The following BRIP1 variants were observed in gnomAD, a reference collection of about 807,000 sequenced individuals.
BRIP1 encodes BRCA1 interacting DNA helicase 1.
Under a neutral mutation model 119.7 loss-of-function variants are expected in BRIP1, and 88 were observed. The ratio of observed to expected loss-of-function variants is 0.74; its 90% CI spans 0.62 to 0.88. The LOEUF (loss-of-function observed/expected upper bound fraction) is 0.88. Among genes scored for constraint, BRIP1 ranks in the 40% least tolerant of loss-of-function variants. The pLI is 0.00. For missense variants in BRIP1, 1,259 were observed against 1,455.4 expected, an observed-to-expected ratio of 0.87 and a Z score of 2.20; for synonymous variants, 443 against 496.5, an observed-to-expected ratio of 0.89 and a Z score of 1.43.
chr17:61,819,135 G>A (rs933946163), intron 6 of BRIP1, among the ~76,000 whole-genome samples: 21 of 150,290 alleles, frequency 1.4e-4, no homozygotes, highest in African/African-American at 1.7e-4. Context: ...GCAGCGAGCC[G>A]AGATCATGCC....
intron 6 of BRIP1, among the ~76,000 whole-genome samples, chr17:61,813,709 T>C (rs2078197472): frequency 6.6e-6 from 1 of 152,084 alleles, no homozygotes; most frequent in Non-Finnish European, 1.5e-5. Context: ...AGCCTGTCCT[T>C]GTGCTAAACA....
In BRIP1 at chr17:61,860,186, C is replaced by T. The variant is rs1405462188; in HGVS notation, c.94-279G>A. ...CAATGATTTCTGTAAAACCAGAATA[C>T]ATTACTACCTATCAATATATTTGAT... On this transcript the variant is annotated intron_variant, in intron 2 of 19. Transcript: ENST00000259008. This position sits in a 1 kb window ranked among gnomAD's most constrained non-coding sequence, Gnocchi z 4.1. Among the ~76,000 whole-genome samples the T allele has an allele frequency of 6.6e-6, 1 of 152,204 alleles. No homozygotes were observed. Among genetic ancestry groups the T allele is most frequent in the Non-Finnish European group, 1.5e-5 (1 of 68,034 alleles).
At chr17:61,766,755 C>T in intron 14 of BRIP1, among the ~76,000 whole-genome samples, 1 of 151,992 alleles carries the variant, frequency 6.6e-6, no homozygotes, top group Non-Finnish European at 1.5e-5. Flanking sequence ...ATACATATTA[C>T]TCATAAAGAT....
chr17:61,786,710 C>T lies in BRIP1; in HGVS notation c.1474-2286G>A, dbSNP rs1292490712. Among the ~76,000 whole-genome samples the T allele has an allele frequency of 2.1e-5, 3 of 139,718 alleles. No individual in the cohort carries two copies. In the South Asian group the frequency reaches 6.4e-4, roughly 30 times the overall value. 91.7% of individuals were successfully genotyped at this position (139,718 alleles called of 152,430 possible). A position where few individuals can be genotyped will look rare whatever the true frequency, so the allele number is the denominator to read the frequency against. On this transcript the variant is annotated intron_variant, in intron 10 of 19. Coordinates refer to ENST00000259008, the MANE Select transcript of BRIP1 (RefSeq NM_032043.3). ...TATTGAGCTATAATTCACATGCTTA[C>T]AATTTACCTTTTTAAAGTGAGTTCT...
chr17:61,849,055 T>G lies in BRIP1; in HGVS notation c.507+74A>C. 6.5e-6 allele frequency: 10 copies of G among 1,535,602 alleles called. No homozygotes were observed. In the South Asian group the frequency reaches 1.1e-4, roughly 17 times the overall value. ...ACCCAACTAATCTCCACAAGTGCAT[T>G]AAAAACATGATACTTGACTACCATG... is the stretch of plus-strand genomic sequence containing the variant. On this transcript the variant is annotated intron_variant, in intron 5 of 19. Coordinates refer to ENST00000259008, the MANE Select transcript of BRIP1 (RefSeq NM_032043.3).
rs554017193 is a variant in BRIP1 at position 61,700,898 on chromosome 17, A to G, written c.2493-7386T>C. On this transcript the variant is annotated intron_variant, in intron 17 of 19. Transcript: ENST00000259008. The surrounding 1 kb of genome is among the most constrained non-coding windows in gnomAD (Gnocchi z 4.1). ...TCTCAATTGATGTTTAAGTAAATCA[A>G]TTCTTTCTTCTGCCTTCTTAAATCT... Among the ~76,000 whole-genome samples, 5 of 152,220 alleles carry G rather than the reference A, an allele frequency of 3.3e-5. No individual in the cohort carries two copies. Among genetic ancestry groups the G allele is most frequent in the Admixed American group, 6.5e-5 (1 of 15,282 alleles).
At position 61,690,521 on chromosome 17, in the gene BRIP1, T is replaced by C. The variant is rs1033701146; in HGVS notation, c.2575+2909A>G. 2.0e-5 allele frequency among the ~76,000 whole-genome samples: 3 copies of C among 152,142 alleles called. No individual in the cohort carries two copies. The highest frequency in any genetic ancestry group is 2.9e-5 in the Non-Finnish European group (2 of 68,020). On this transcript the variant is annotated intron_variant, in intron 18 of 19. Coordinates refer to ENST00000259008, the MANE Select transcript of BRIP1 (RefSeq NM_032043.3). This position sits in a 1 kb window ranked among gnomAD's most constrained non-coding sequence, Gnocchi z 5.6. ...ATAACTATGTTTCATGTAAGACCCA[T>C]GTAACCACAAAGGAAATATCTATAG...
rs1060501737 is a variant in BRIP1, at chr17:61,801,312, C to A, written c.1081G>T (p.Asp361Tyr). ...TAGGGACAAAATATGATGTCAGCATCTTGTATTAGTTCTCGGGCTGTGTAA... is the reference window on the plus strand; with the variant it reads ...TAGGGACAAAATATGATGTCAGCATATTGTATTAGTTCTCGGGCTGTGTAA... Reference protein sequence around the residue: ...PYYTARELIQDADIIFCPYNY... With the variant: ...PYYTARELIQYADIIFCPYNY... Residue 361 changes from aspartate to tyrosine, a missense_variant, in exon 8 of 20, where the codon GAT (aspartate) becomes TAT (tyrosine). Coordinates refer to ENST00000259008, the MANE Select transcript of BRIP1 (RefSeq NM_032043.3). The A allele has an allele frequency of 6.2e-7, 1 of 1,614,034 alleles. No homozygotes were observed. Among genetic ancestry groups the A allele is most frequent in the African/African-American group, 1.3e-5 (1 of 75,044 alleles).
chr17:61,777,160 T>C (rs2077547355), intron 13 of BRIP1, among the ~76,000 whole-genome samples: 1 of 152,232 alleles, frequency 6.6e-6, no homozygotes, highest in African/African-American at 2.4e-5. Flanking sequence ...TATAAAGATA[T>C]TCACAATATT....
rs2144096708 is a variant in BRIP1 at position 61,684,247 on chromosome 17, C to T, written c.2906-107G>A. On this transcript the variant is annotated intron_variant, in intron 19 of 19. Coordinates refer to ENST00000259008, the MANE Select transcript of BRIP1 (RefSeq NM_032043.3). The surrounding 1 kb of genome is among the most constrained non-coding windows in gnomAD (Gnocchi z 4.5). ...AATACCTAAATAACTGTATAGGATA[C>T]ATAACTTAGAGCCCCCAACGAATAC... is the stretch of plus-strand genomic sequence containing the variant. 1.6e-6 allele frequency: 2 copies of T among 1,275,942 alleles called. No homozygotes were observed. The highest frequency in any genetic ancestry group is 1.1e-6 in the Non-Finnish European group (1 of 929,868). 79.0% of individuals were successfully genotyped at this position (1,275,942 alleles called of 1,614,324 possible).
At position 61,700,017 on chromosome 17, in the gene BRIP1, CAT is replaced by C. The variant is rs1485685185; in HGVS notation, c.2493-6507_2493-6506del. The stretch of plus-strand genomic sequence containing the variant: ...GGCTCCCTAGACTTTGTCCCATGCA[CAT>C]GTTTTGTTCTCTTTGCTGACTGTGC... On this transcript the variant is annotated intron_variant, in intron 17 of 19. Transcript: ENST00000259008. The surrounding 1 kb of genome is among the most constrained non-coding windows in gnomAD (Gnocchi z 4.1). Among the ~76,000 whole-genome samples, 1 of 152,126 alleles carries C rather than the reference CAT, an allele frequency of 6.6e-6. No homozygotes were observed. Among genetic ancestry groups the C allele is most frequent in the Non-Finnish European group, 1.5e-5 (1 of 68,030 alleles).
In BRIP1 at chr17:61,805,810, C is replaced by T. The variant is rs1408417077; in HGVS notation, c.918+2657G>A. Among the ~76,000 whole-genome samples, 2 of 152,118 alleles carry T rather than the reference C, an allele frequency of 1.3e-5. No homozygotes were observed. The highest frequency in any genetic ancestry group is 2.9e-5 in the Non-Finnish European group (2 of 68,032). Reference sequence around the variant, plus strand: ...CATTCCAAGCTTCTTCCATACAATTCTGAAAGCTTACCTTTATACAAAATG... The same window carrying T: ...CATTCCAAGCTTCTTCCATACAATTTTGAAAGCTTACCTTTATACAAAATG... On this transcript the variant is annotated intron_variant, in intron 7 of 19. Transcript: ENST00000259008. This position sits in a 1 kb window ranked among gnomAD's most constrained non-coding sequence, Gnocchi z 5.6.
intron 8 of BRIP1, among the ~76,000 whole-genome samples, chr17:61,800,974 A>C (rs1197155541): frequency 3.9e-5 from 6 of 152,222 alleles, no homozygotes; most frequent in Non-Finnish European, 7.3e-5. Flanking sequence ...AAATGTTTCT[A>C]AATAATTCTT....
rs2078660498 is a variant in BRIP1, at chr17:61,841,732, C to CAGT, written c.627+5366_627+5368dup. Among the ~76,000 whole-genome samples, 2 of 152,132 alleles carry CAGT rather than the reference C, an allele frequency of 1.3e-5. No homozygotes were observed. Among genetic ancestry groups the CAGT allele is most frequent in the South Asian group, 2.1e-4 (1 of 4,830 alleles). On this transcript the variant is annotated intron_variant, in intron 6 of 19. Coordinates refer to ENST00000259008, the MANE Select transcript of BRIP1 (RefSeq NM_032043.3). This position sits in a 1 kb window ranked among gnomAD's most constrained non-coding sequence, Gnocchi z 4.1. ...TCCAAAGGAAAGAAAATCTAGAGTA[C>CAGT]AGTAGCATGATCATATCTCACCACA...
chr17:61,783,878 C>T lies in BRIP1; in HGVS notation c.1628+392G>A, dbSNP rs1189984503. On this transcript the variant is annotated intron_variant, in intron 11 of 19. Coordinates refer to ENST00000259008, the MANE Select transcript of BRIP1 (RefSeq NM_032043.3). Reference sequence around the variant, plus strand: ...TCACTTGAGGCCAGGAGTTCAAGACCATCCTGATCAACATAGTGAGATCTC... The same window carrying T: ...TCACTTGAGGCCAGGAGTTCAAGACTATCCTGATCAACATAGTGAGATCTC... 4 of 159,656 alleles carry T rather than the reference C, an allele frequency of 2.5e-5. No homozygotes were observed. In the East Asian group the frequency reaches 7.3e-4, roughly 29 times the overall value. 9.9% of individuals were successfully genotyped at this position (159,656 alleles called of 1,614,324 possible). A position where few individuals can be genotyped will look rare whatever the true frequency, so the allele number is the denominator to read the frequency against.
rs959212778 is a variant in BRIP1, at chr17:61,686,125, T to C, written c.2616A>G (p.Ser872=). 1 of 1,614,082 alleles carries C rather than the reference T, an allele frequency of 6.2e-7. No individual in the cohort carries two copies. Among genetic ancestry groups the C allele is most frequent in the Non-Finnish European group, 8.5e-7 (1 of 1,179,952 alleles). The change falls in exon 19 of 20, where the codon TCA becomes TCG. Residue 872 remains serine (S), a synonymous_variant. Transcript: ENST00000259008. This position sits in a 1 kb window ranked among gnomAD's most constrained non-coding sequence, Gnocchi z 5.4. ...AGGATTCCAGTGCACTTTCAAAGGT[T>C]GAATGGTGCTGAATCTGCTGCCGTA... ...KWVRQQIQHH[S]TFESALESLA...
chr17:61,750,796 C>A (rs1311290870), intron 14 of BRIP1, among the ~76,000 whole-genome samples: 4 of 151,874 alleles, frequency 2.6e-5, no homozygotes, highest in African/African-American at 9.7e-5. Flanking sequence ...ACAATGAAGT[C>A]CCACTTCACT....
rs2077238473 is a variant in BRIP1, at chr17:61,759,025, A to AATAC, written c.2098-14435_2098-14434insGTAT. Reference sequence around the variant, plus strand: ...CCTGTCATAAATAAATAAATAAATAAATAAATAAATAAATAAATGGCAGTA... The same window carrying AATAC: ...CCTGTCATAAATAAATAAATAAATAAATACATAAATAAATAAATAAATGGCAGTA... On this transcript the variant is annotated intron_variant, in intron 14 of 19. Coordinates refer to ENST00000259008, the MANE Select transcript of BRIP1 (RefSeq NM_032043.3). This position sits in a 1 kb window ranked among gnomAD's most constrained non-coding sequence, Gnocchi z 4.9. 6.6e-6 allele frequency among the ~76,000 whole-genome samples: 1 copy of AATAC among 150,856 alleles called. No homozygotes were observed. Among genetic ancestry groups the AATAC allele is most frequent in the South Asian group, 2.1e-4 (1 of 4,806 alleles).
chr17:61,743,075 C>G lies in BRIP1; in HGVS notation c.2317G>C (p.Asp773His). 2 of 1,613,948 alleles carry G rather than the reference C, an allele frequency of 1.2e-6. No homozygotes were observed. The highest frequency in any genetic ancestry group is 1.7e-6 in the Non-Finnish European group (2 of 1,179,878). ...GKVSEGLDFS[D>H]DNARAVITIG... Reference sequence around the variant, plus strand: ...GTTATGACAGCACGGGCATTGTCATCTGAGAAATCCAGACCCTCACTCACT... The same window carrying G: ...GTTATGACAGCACGGGCATTGTCATGTGAGAAATCCAGACCCTCACTCACT... Residue 773 changes from aspartate to histidine, a missense_variant, in exon 16 of 20, where the codon GAT becomes CAT. Around this residue, in one of 3 missense-constraint regions of BRIP1, gnomAD observed 753 missense variants for 891.8 expected, o/e 0.84. Coordinates refer to ENST00000259008, the MANE Select transcript of BRIP1 (RefSeq NM_032043.3). The surrounding 1 kb of genome is among the most constrained non-coding windows in gnomAD (Gnocchi z 4.3).
Sources: allele counts gnomAD v4.1 joint callset (sites outside exome capture counted in the v4.1 genomes callset), GRCh38; gene constraint gnomAD v4.1.1; regional missense constraint gnomAD v4.1.1; non-coding constraint Gnocchi (gnomAD v3.1); transcripts MANE v1.5; gene names NCBI Gene and HGNC (gene_info 2026-07-23, HGNC 2026-07-21).